The following GRB10 variants were observed in gnomAD, a reference collection of about 807,000 sequenced individuals.
GRB10 encodes the protein growth factor receptor-bound protein 10.
In GRB10, 20 loss-of-function variants were observed where a neutral mutation model predicts 80.9. The observed-to-expected ratio is 0.25, with a 90% confidence interval of 0.17 to 0.36. The LOEUF (loss-of-function observed/expected upper bound fraction) is 0.36. Among genes scored for constraint, GRB10 ranks in the 10% least tolerant of loss-of-function variants. The pLI is 1.00. For missense variants in GRB10, 548 were observed against 747.7 expected (o/e 0.73, Z 3.12); for synonymous variants, 291 against 291.5 (o/e 1.00, Z 0.02).
chr7:50,688,039 T>C (rs1347990032), intron 5 of GRB10, among the ~76,000 whole-genome samples: 2 of 152,206 alleles, frequency 1.3e-5, no homozygotes, highest in Admixed American at 6.5e-5. Context: ...AGTACAAGAA[T>C]CTAGCACTAT....
chr7:50,599,383 G>A (rs910849602), intron 17 of GRB10, among the ~76,000 whole-genome samples: 1 of 152,168 alleles, frequency 6.6e-6, no homozygotes, highest in Non-Finnish European at 1.5e-5. Context: ...TCTTTAAACT[G>A]GCTTGCCTTC....
At chr7:50,720,820 C>T (rs1360513879) in intron 4 of GRB10, among the ~76,000 whole-genome samples, 1 of 151,086 alleles carries the variant, frequency 6.6e-6, no homozygotes, top group African/African-American at 2.4e-5. Context: ...AAATTTTCAT[C>T]AATGTATTTA....
At chr7:50,664,479 C>T (rs555003564) in intron 7 of GRB10, among the ~76,000 whole-genome samples, 4 of 152,330 alleles carry the variant, frequency 2.6e-5, no homozygotes, top group East Asian at 1.9e-4. Context: ...TCTGTGGGGG[C>T]AGGGGGGACA....
chr7:50,774,886 G>A (rs183509738), intron 2 of GRB10, among the ~76,000 whole-genome samples: 34 of 151,856 alleles, frequency 2.2e-4, no homozygotes, highest in Non-Finnish European at 4.0e-4. Flanking sequence ...GCTCACTCCT[G>A]TAATCTCAGC....
At chr7:50,646,401 C>T (rs144271190) in intron 7 of GRB10, among the ~76,000 whole-genome samples, 1 of 152,296 alleles carries the variant, frequency 6.6e-6, no homozygotes, top group East Asian at 1.9e-4. Context: ...AGATACTGTC[C>T]GCAGTGTCAC....
At chr7:50,729,025 G>T (rs1345653152) in intron 4 of GRB10, among the ~76,000 whole-genome samples, 1 of 152,150 alleles carries the variant, frequency 6.6e-6, no homozygotes, top group Admixed American at 6.5e-5. Context: ...CCCTGCACTA[G>T]AAGAGTAGGT....
At chr7:50,789,047 A>C (rs1344391091) in intron 1 of GRB10, among the ~76,000 whole-genome samples, 1 of 152,252 alleles carries the variant, frequency 6.6e-6, no homozygotes, top group East Asian at 1.9e-4. Flanking sequence ...AGCCAAGTGA[A>C]GTCTGCAGTA....
At chr7:50,629,354 G>A (rs6948959) in intron 7 of GRB10, among the ~76,000 whole-genome samples, 98,609 of 151,936 alleles carry the variant, frequency 0.65, 34,398 homozygotes, top group East Asian at 0.89. Context: ...TAAATAGCCC[G>A]GGTATTAAAA....
At chr7:50,765,830 A>G (rs185762731) in intron 2 of GRB10, among the ~76,000 whole-genome samples, 2 of 152,350 alleles carry the variant, frequency 1.3e-5, no homozygotes, top group African/African-American at 2.4e-5. Flanking sequence ...GAAGAGAAGA[A>G]TTTGAATGTT....
chr7:50,777,339 T>C (rs1325022204), intron 2 of GRB10, among the ~76,000 whole-genome samples: 1 of 151,646 alleles, frequency 6.6e-6, no homozygotes. Flanking sequence ...AAACACCTCC[T>C]AAAGGCCCCA....
At chr7:50,664,743 G>A (rs2059624905) in intron 7 of GRB10, among the ~76,000 whole-genome samples, 1 of 152,180 alleles carries the variant, frequency 6.6e-6, no homozygotes, top group Admixed American at 6.5e-5. Context: ...CGTGAGCCCA[G>A]CCTCTCCGGC....
chr7:50,735,241 A>AT (rs2153694051), intron 3 of GRB10, among the ~76,000 whole-genome samples: 1 of 152,366 alleles, frequency 6.6e-6, no homozygotes, highest in South Asian at 2.1e-4. Flanking sequence ...TTAGAAATAC[A>AT]TGTAATCAAA....
At chr7:50,647,157 C>T (rs1297113621) in intron 7 of GRB10, among the ~76,000 whole-genome samples, 1 of 139,586 alleles carries the variant, frequency 7.2e-6, no homozygotes, top group Non-Finnish European at 1.6e-5. Flanking sequence ...CACTTAGAAT[C>T]TATCAGTGTC....
intron 5 of GRB10, among the ~76,000 whole-genome samples, chr7:50,682,617 C>T (rs149320386): frequency 0.029 from 4,458 of 152,244 alleles, 95 homozygotes; most frequent in Non-Finnish European, 0.042. Flanking sequence ...ATATATACTA[C>T]TTTGTTTCTG....
At position 50,674,482 on chromosome 7, in the gene GRB10, T is replaced by C; in HGVS notation, c.316A>G (p.Arg106Gly). The change falls in exon 6 of 19, where the codon AGG becomes GGG. Residue 106 changes from arginine (R) to glycine (G), a missense_variant. Around this residue, in one of 4 missense-constraint regions of GRB10, gnomAD observed 245 missense variants for 229.3 expected, o/e 1.07. Coordinates refer to ENST00000401949, the MANE Select transcript of GRB10 (RefSeq NM_001350814.2). ...GGCTGGGAGCGCTGCACCCTCTGCC[T>C]CGGGGACACCTGTGGCTGGATGGAC... ...PRSIQPQVSP[R>G]QRVQRSQPVH... 2 of 1,608,450 alleles carry C rather than the reference T, an allele frequency of 1.2e-6. No homozygotes were observed. Among genetic ancestry groups the C allele is most frequent in the Non-Finnish European group, 8.5e-7 (1 of 1,180,004 alleles).
At chr7:50,724,640 G>A (rs1400079705) in intron 4 of GRB10, among the ~76,000 whole-genome samples, 1 of 152,190 alleles carries the variant, frequency 6.6e-6, no homozygotes, top group Non-Finnish European at 1.5e-5. Flanking sequence ...TCCCCTTGAA[G>A]AGGGCTAGGC....
chr7:50,771,747 C>T (rs982430753), intron 2 of GRB10, among the ~76,000 whole-genome samples: 2 of 152,230 alleles, frequency 1.3e-5, no homozygotes, highest in Non-Finnish European at 2.9e-5. Context: ...GGCCTCCCCA[C>T]AGCTTCAGGG....
At chr7:50,723,935 C>T (rs1351241027) in intron 4 of GRB10, among the ~76,000 whole-genome samples, 1 of 152,216 alleles carries the variant, frequency 6.6e-6, no homozygotes, top group Non-Finnish European at 1.5e-5. Context: ...AACCTTCACG[C>T]CCTAGTGCAG....
intron 7 of GRB10, among the ~76,000 whole-genome samples, chr7:50,629,660 T>TGA (rs2053636149): frequency 6.6e-6 from 1 of 152,162 alleles, no homozygotes; most frequent in Admixed American, 6.5e-5. Flanking sequence ...GAGCTACTGA[T>TGA]GAGAATGTTT....
Sources: gnomAD v4.1 joint callset for allele counts (sites outside exome capture counted in the v4.1 genomes callset) on GRCh38, gnomAD v4.1.1 for gene constraint, gnomAD v4.1.1 regional missense constraint, MANE v1.5 for transcripts, NCBI Gene and HGNC (gene_info 2026-07-23, HGNC 2026-07-21) for gene names.